DCDC1: variants seen among roughly 807,000 people sequenced by gnomAD.
The protein encoded by DCDC1 is doublecortin domain containing 1.
DCDC1 carries 200 observed loss-of-function variants against 178.3 expected under a neutral mutation model. The observed-to-expected ratio is 1.12, with a 90% confidence interval of 1.00 to 1.26. DCDC1 has a LOEUF of 1.26. Among genes scored for constraint, DCDC1 ranks in the 50% most tolerant of loss-of-function variants. The pLI is 0.00. For synonymous variants in DCDC1, 690 were observed against 604.8 expected, an observed-to-expected ratio of 1.14 and a Z score of -2.07; for missense variants, 1,983 against 1,749.2, an observed-to-expected ratio of 1.13 and a Z score of -2.38.
chr11:31,146,875 C>G (rs1964510633), intron 9 of DCDC1, among the ~76,000 whole-genome samples: 1 of 152,116 alleles, frequency 6.6e-6, no homozygotes, highest in South Asian at 2.1e-4. Flanking sequence ...CTTCCATGAC[C>G]TAGGACACAT....
intron 38 of DCDC1, among the ~76,000 whole-genome samples, chr11:30,877,766 T>A (rs566404741): frequency 6.6e-6 from 1 of 152,238 alleles, no homozygotes; most frequent in African/African-American, 2.4e-5. Flanking sequence ...CACCAGCCAT[T>A]TCATTTGTAT....
At chr11:31,343,695 G>T (rs748736505) in intron 1 of DCDC1, among the ~76,000 whole-genome samples, 1 of 152,102 alleles carries the variant, frequency 6.6e-6, no homozygotes, top group Non-Finnish European at 1.5e-5. Context: ...GAGATGGGTA[G>T]ACCACTTGAG....
At chr11:31,356,528 T>A (rs1951377116) in intron 1 of DCDC1, among the ~76,000 whole-genome samples, 1 of 151,056 alleles carries the variant, frequency 6.6e-6, no homozygotes, top group South Asian at 2.1e-4. Flanking sequence ...TTAAAAGAAC[T>A]AGAAAAGCAA....
intron 15 of DCDC1, among the ~76,000 whole-genome samples, chr11:31,098,485 GA>G (rs1958295201): frequency 6.6e-6 from 1 of 152,162 alleles, no homozygotes; most frequent in African/African-American, 2.4e-5. Context: ...TTCTCTGTAG[GA>G]AAGGTTCTAC....
At chr11:31,360,819 A>G (rs1357757625) in intron 1 of DCDC1, among the ~76,000 whole-genome samples, 1 of 152,174 alleles carries the variant, frequency 6.6e-6, no homozygotes, top group Non-Finnish European at 1.5e-5. Flanking sequence ...AAAAGAGTTG[A>G]GGGGATTTGG....
intron 9 of DCDC1, among the ~76,000 whole-genome samples, chr11:31,165,556 C>A (rs1283680651): frequency 6.6e-6 from 1 of 152,224 alleles, no homozygotes; most frequent in African/African-American, 2.4e-5. Flanking sequence ...AGCGACCCTC[C>A]CACCTTGGTC....
At chr11:31,017,567 C>T (rs1235833833) in intron 20 of DCDC1, among the ~76,000 whole-genome samples, 1 of 151,648 alleles carries the variant, frequency 6.6e-6, no homozygotes, top group Non-Finnish European at 1.5e-5. Context: ...AAAAACCTAT[C>T]TGTTTTCACT....
chr11:31,077,000 G>A (rs1364007229), intron 18 of DCDC1, among the ~76,000 whole-genome samples: 1 of 152,112 alleles, frequency 6.6e-6, no homozygotes, highest in Non-Finnish European at 1.5e-5. Context: ...TTGCTTGTCT[G>A]TTGAGCTTGT....
chr11:31,251,447 C>G (rs1156419256), intron 8 of DCDC1, among the ~76,000 whole-genome samples: 1 of 151,908 alleles, frequency 6.6e-6, no homozygotes, highest in Non-Finnish European at 1.5e-5. Flanking sequence ...CTCATTCAAT[C>G]AAATGAGGGC....
intron 12 of DCDC1, among the ~76,000 whole-genome samples, chr11:31,109,106 G>C (rs2135786999): frequency 6.7e-6 from 1 of 150,182 alleles, no homozygotes; most frequent in Admixed American, 6.7e-5. Context: ...AGTTTCTATA[G>C]AATAATATCT....
intron 9 of DCDC1, among the ~76,000 whole-genome samples, chr11:31,190,786 T>C: frequency 6.6e-6 from 1 of 152,120 alleles, no homozygotes; most frequent in East Asian, 1.9e-4. Flanking sequence ...CTGAGCTCAA[T>C]TAACATTACT....
intron 34 of DCDC1, among the ~76,000 whole-genome samples, chr11:30,897,973 C>T (rs1344993133): frequency 6.6e-6 from 1 of 152,126 alleles, no homozygotes; most frequent in African/African-American, 2.4e-5. Context: ...CTTAAAAACA[C>T]AGAATGAGTA....
At chr11:31,048,305 G>C (rs972497722) in intron 20 of DCDC1, among the ~76,000 whole-genome samples, 1 of 152,136 alleles carries the variant, frequency 6.6e-6, no homozygotes, top group Non-Finnish European at 1.5e-5. Context: ...TCAAATATTA[G>C]TAAATCATAG....
chr11:31,193,363 C>G (rs1287102033), intron 9 of DCDC1, among the ~76,000 whole-genome samples: 1 of 151,948 alleles, frequency 6.6e-6, no homozygotes, highest in Non-Finnish European at 1.5e-5. Flanking sequence ...ATCTAAAATG[C>G]TCCTAAGTTT....
intron 9 of DCDC1, 122 bp from the exon 10 acceptor site, chr11:31,137,906 T>C: frequency 1.8e-6 from 1 of 562,518 alleles, no homozygotes; most frequent in Non-Finnish European, 3.1e-6. Flanking sequence ...TGATGATACG[T>C]ACATGAAAAT....
intron 20 of DCDC1, among the ~76,000 whole-genome samples, chr11:30,953,959 A>G (rs1948592686): frequency 6.6e-6 from 1 of 151,972 alleles, no homozygotes; most frequent in Non-Finnish European, 1.5e-5. Flanking sequence ...ACAAAATGAA[A>G]AGTAAGAGTA....
intron 10 of DCDC1, among the ~76,000 whole-genome samples, chr11:31,129,603 C>A (rs1962159763): frequency 6.6e-6 from 1 of 151,972 alleles, no homozygotes; most frequent in Non-Finnish European, 1.5e-5. Flanking sequence ...TAGATTTGTC[C>A]CCAGGGCTAT....
chr11:31,028,563 A>G (rs1285991157), intron 20 of DCDC1, among the ~76,000 whole-genome samples: 2 of 151,970 alleles, frequency 1.3e-5, no homozygotes, highest in Non-Finnish European at 2.9e-5. Context: ...GATAAATCTG[A>G]GGTAGTAAAA....
chr11:30,971,049 C>T lies in DCDC1; in HGVS notation c.2592-18481G>A, dbSNP rs759456963. On this transcript the variant is annotated intron_variant, in intron 20 of 38. Transcript: ENST00000684477. ...CACACAAAGTTCCACCTGGTATCCC[C>T]ATCCCCAGCAAAATTTCACCACAAC... Among the ~76,000 whole-genome samples the T allele has an allele frequency of 2.0e-5, 3 of 152,172 alleles. No individual in the cohort carries two copies. In the South Asian group the frequency reaches 6.2e-4, roughly 31 times the overall value.
Sources: allele counts gnomAD v4.1 joint callset (sites outside exome capture counted in the v4.1 genomes callset), GRCh38; gene constraint gnomAD v4.1.1; transcripts MANE v1.5; gene names NCBI Gene and HGNC (gene_info 2026-07-23, HGNC 2026-07-21).